Variants in GGTA1 observed in about 807,000 individuals in gnomAD.
GGTA1 encodes the protein glycoprotein alpha-galactosyltransferase 1 (inactive).
GGTA1 carries 5 observed loss-of-function variants against 2.6 expected under a neutral mutation model. The ratio of observed to expected loss-of-function variants is 1.92; its 90% CI spans 1.00 to 4.04. GGTA1 has a LOEUF of 4.04. GGTA1 is among the 30% of genes most tolerant of loss of function. The pLI is 0.00. For synonymous variants in GGTA1, 17 were observed against 5.0 expected (o/e 3.38, Z -3.19); for missense variants, 50 against 16.7 (o/e 2.99, Z -3.47).
At chr9:121,462,268 T>C (rs2064966422) in intron 3 of GGTA1, among the ~76,000 whole-genome samples, 2 of 151,620 alleles carry the variant, frequency 1.3e-5, no homozygotes, top group South Asian at 4.2e-4. Flanking sequence ...GAGGTTGCCG[T>C]GAGCCAAGAT....
At chr9:121,495,561 G>A (rs778266710) in intron 1 of GGTA1, among the ~76,000 whole-genome samples, 5 of 152,010 alleles carry the variant, frequency 3.3e-5, no homozygotes, top group Non-Finnish European at 7.4e-5. Flanking sequence ...AAAAGAGAAA[G>A]AGCTGACTAT....
In GGTA1 at chr9:121,495,143, C is replaced by T. The variant is rs148541662; in HGVS notation, c.-10+4507G>A. ...CTTTGTTGGCCAAGCTGGTCTCGAA[C>T]TCCCGACCTCAGGTGATCTGCCCAC... is the stretch of plus-strand genomic sequence containing the variant. On this transcript the variant is annotated intron_variant, in intron 1 of 5. Transcript: ENST00000481799. 6.5e-3 allele frequency among the ~76,000 whole-genome samples: 981 copies of T among 151,546 alleles called. 14 individuals carry two copies. Among genetic ancestry groups the T allele is most frequent in the African/African-American group, 0.023 (943 of 41,402 alleles).
chr9:121,491,825 G>A (rs1244106117), intron 1 of GGTA1, among the ~76,000 whole-genome samples: 1 of 152,052 alleles, frequency 6.6e-6, no homozygotes, highest in Non-Finnish European at 1.5e-5. Flanking sequence ...GGCCAGGGTG[G>A]TCTCGAACCC....
intron 1 of GGTA1, among the ~76,000 whole-genome samples, chr9:121,486,965 C>T (rs539572628): frequency 2.0e-5 from 3 of 152,282 alleles, no homozygotes; most frequent in Admixed American, 2.0e-4. Context: ...CCACACCACA[C>T]GTCTCAGAAA....
At chr9:121,481,434 C>T (rs1188073688) in intron 1 of GGTA1, among the ~76,000 whole-genome samples, 1 of 152,124 alleles carries the variant, frequency 6.6e-6, no homozygotes, top group African/African-American at 2.4e-5. Context: ...TGCCTGTAAT[C>T]CCAGCACTTT....
chr9:121,491,988 G>A (rs922928925), intron 1 of GGTA1, among the ~76,000 whole-genome samples: 2 of 152,140 alleles, frequency 1.3e-5, no homozygotes, highest in Non-Finnish European at 2.9e-5. Context: ...GACATCTCAG[G>A]TATCTAGCCC....
chr9:121,465,630 G>A (rs2065000196), intron 2 of GGTA1, among the ~76,000 whole-genome samples: 1 of 133,580 alleles, frequency 7.5e-6, no homozygotes, highest in Admixed American at 7.4e-5. Context: ...ATCACGTGTG[G>A]ATACAGGGAG....
At position 121,467,299 on chromosome 9, in the gene GGTA1, T is replaced by C. The variant is rs539780988; in HGVS notation, c.80+544A>G. Among the ~76,000 whole-genome samples, 19 of 152,254 alleles carry C rather than the reference T, an allele frequency of 1.2e-4. 1 individual carries two copies. The East Asian group carries it at 3.5e-3, about 28-fold the overall frequency. Reference sequence around the variant, plus strand: ...TGAAAACTTAGAAATGCTTAATTCATTTTGCTTTTCAAAGTTAAACACACA... The same window carrying C: ...TGAAAACTTAGAAATGCTTAATTCACTTTGCTTTTCAAAGTTAAACACACA... On this transcript the variant is annotated intron_variant, in intron 2 of 5. Coordinates refer to ENST00000481799, the MANE Select transcript of GGTA1 (RefSeq NM_001382585.1).
At chr9:121,462,997 A>C (rs1287528297) in intron 3 of GGTA1, 1 of 206,382 alleles carries the variant, frequency 4.8e-6, no homozygotes, top group East Asian at 1.8e-4. Context: ...AAAGGGCAGA[A>C]TAATAGACAA....
chr9:121,475,213 T>C (rs1828482566), intron 1 of GGTA1, among the ~76,000 whole-genome samples: 1 of 152,006 alleles, frequency 6.6e-6, no homozygotes, highest in Non-Finnish European at 1.5e-5. Context: ...TGACCTCTGG[T>C]CCTCCTCACT....
chr9:121,456,468 A>T (rs2064912314), intron 5 of GGTA1, among the ~76,000 whole-genome samples: 1 of 151,336 alleles, frequency 6.6e-6, no homozygotes, highest in South Asian at 2.1e-4. Context: ...GCCCAGCTGG[A>T]GTGCAATGGT....
chr9:121,447,004 A>G (rs2064855092), exon 8 of GGTA1: 1 of 152,372 alleles, frequency 6.6e-6, no homozygotes, highest in African/African-American at 2.4e-5. Flanking sequence ...TCCCAGCAGT[A>G]TTTTAGGGAT....
chr9:121,470,237 A>G (rs1445400911), intron 1 of GGTA1, among the ~76,000 whole-genome samples: 4 of 152,268 alleles, frequency 2.6e-5, no homozygotes, highest in Non-Finnish European at 4.4e-5. Context: ...AGATTAATCA[A>G]AATATACCTT....
At chr9:121,478,872 C>A (rs1232254421) in intron 1 of GGTA1, among the ~76,000 whole-genome samples, 2 of 152,086 alleles carry the variant, frequency 1.3e-5, no homozygotes, top group Non-Finnish European at 2.9e-5. Context: ...CCCAGAGAAC[C>A]AAAGTAAGAT....
chr9:121,458,145 G>C (rs1434601877), intron 5 of GGTA1, among the ~76,000 whole-genome samples: 2 of 151,544 alleles, frequency 1.3e-5, no homozygotes, highest in Non-Finnish European at 2.9e-5. Context: ...CCTGAGCTCA[G>C]GCAATCCACC....
At chr9:121,472,902 G>A (rs1408122073) in intron 1 of GGTA1, among the ~76,000 whole-genome samples, 4 of 152,078 alleles carry the variant, frequency 2.6e-5, no homozygotes, top group African/African-American at 7.3e-5. Context: ...ATACAGAGAT[G>A]TTTATGATTT....
At position 121,474,304 on chromosome 9, in the gene GGTA1, T is replaced by C. The variant is rs182418297; in HGVS notation, c.-9-6373A>G. 2.0e-5 allele frequency among the ~76,000 whole-genome samples: 3 copies of C among 152,312 alleles called. No homozygotes were observed. The East Asian group carries it at 5.8e-4, about 29-fold the overall frequency. On this transcript the variant is annotated intron_variant, in intron 1 of 5. Coordinates refer to ENST00000481799, the MANE Select transcript of GGTA1 (RefSeq NM_001382585.1). The stretch of plus-strand genomic sequence containing the variant: ...GAATCCATCCTATGGCCCCAGACCA[T>C]TTGTAGAACTCAGTTAACCAGAACT...
At chr9:121,461,960 G>A (rs181006631) in intron 3 of GGTA1, among the ~76,000 whole-genome samples, 1 of 152,212 alleles carries the variant, frequency 6.6e-6, no homozygotes, top group Admixed American at 6.5e-5. Flanking sequence ...AGAAGTTCAG[G>A]AAACTACTTA....
intron 1 of GGTA1, among the ~76,000 whole-genome samples, chr9:121,490,544 A>C (rs1828852168): frequency 6.6e-6 from 1 of 152,148 alleles, no homozygotes; most frequent in South Asian, 2.1e-4. Flanking sequence ...ACCAGAGCAC[A>C]ACGGGCCGGA....
Sources: allele counts gnomAD v4.1 joint callset (sites outside exome capture counted in the v4.1 genomes callset), GRCh38; gene constraint gnomAD v4.1.1; transcripts MANE v1.5; gene names NCBI Gene and HGNC (gene_info 2026-07-23, HGNC 2026-07-21).